The following FGD3 variants were observed in gnomAD, a reference collection of about 807,000 sequenced individuals.
FGD3 encodes FYVE, RhoGEF and PH domain-containing protein 3.
FGD3 carries 45 observed loss-of-function variants against 71.8 expected under a neutral mutation model. The observed-to-expected ratio is 0.63, with a 90% CI of 0.49 to 0.80. FGD3 has a LOEUF of 0.80. Among genes scored for constraint, FGD3 ranks in the 30% least tolerant of loss-of-function variants. FGD3 has a pLI of 0.00. For synonymous variants in FGD3, 378 were observed against 392.8 expected, an observed-to-expected ratio of 0.96 and a Z score of 0.44; for missense variants, 844 against 951.5, an observed-to-expected ratio of 0.89 and a Z score of 1.49.
rs1487128121 is a variant in FGD3, at chr9:92,976,388, G to A, written c.132G>A (p.Gly44=). The A allele has an allele frequency of 1.9e-6, 3 of 1,610,734 alleles. No homozygotes were observed. The highest frequency in any genetic ancestry group is 1.7e-5 in the Admixed American group (1 of 59,602). The part of the protein sequence containing the change: ...ALPVGPRAHC[G]DPVSLAAAGD... Reference sequence around the variant, plus strand: ...CTGTTGGGCCCAGAGCCCACTGTGGGGACCCTGTCAGCCTGGCTGCAGCAG... The same window carrying A: ...CTGTTGGGCCCAGAGCCCACTGTGGAGACCCTGTCAGCCTGGCTGCAGCAG... The change falls in exon 3 of 18, where the codon GGG becomes GGA. Residue 44 remains glycine, a synonymous_variant. Transcript: ENST00000375482.
intron 3 of FGD3, among the ~76,000 whole-genome samples, chr9:92,993,169 A>G (rs1235447563): frequency 1.3e-5 from 2 of 152,238 alleles, no homozygotes; most frequent in Middle Eastern, 3.4e-3. Context: ...AGGTCTCACT[A>G]TGTTGCCCAG....
intron 14 of FGD3, among the ~76,000 whole-genome samples, chr9:93,029,610 T>C (rs78600115): frequency 0.011 from 1,708 of 152,316 alleles, 36 homozygotes; most frequent in African/African-American, 0.039. Context: ...GATAAAGTCA[T>C]TGGCCAAGTT....
intron 1 of FGD3, among the ~76,000 whole-genome samples, chr9:92,950,857 T>C (rs1858941565): frequency 6.6e-6 from 1 of 152,222 alleles, no homozygotes; most frequent in South Asian, 2.1e-4. Flanking sequence ...GGGACAGTGC[T>C]GCCCTTTCTG....
chr9:93,033,710 C>T (rs986383116), intron 16 of FGD3: 7 of 152,772 alleles, frequency 4.6e-5, no homozygotes, highest in Non-Finnish European at 1.0e-4. Context: ...GCCAGCTGCA[C>T]GTTGGAGTCT....
chr9:93,026,872 G>A (rs924659245), intron 14 of FGD3, among the ~76,000 whole-genome samples: 3 of 152,252 alleles, frequency 2.0e-5, no homozygotes, highest in African/African-American at 4.8e-5. Context: ...TCCCCCTTCC[G>A]GGGTCAAGAG....
chr9:92,971,581 T>C (rs1234011449), intron 1 of FGD3, among the ~76,000 whole-genome samples: 6 of 134,432 alleles, frequency 4.5e-5, no homozygotes, highest in African/African-American at 1.7e-4. Flanking sequence ...TTTTTTTTTT[T>C]TTTTTTTTTT....
chr9:92,959,271 G>T (rs1443473295), intron 1 of FGD3, among the ~76,000 whole-genome samples: 1 of 151,746 alleles, frequency 6.6e-6, no homozygotes, highest in Non-Finnish European at 1.5e-5. Flanking sequence ...AAAATTTATT[G>T]TATTATAGTA....
In FGD3 at chr9:93,035,734, G is replaced by A; in HGVS notation, c.*145G>A. 8.0e-7 allele frequency: 1 copy of A among 1,253,116 alleles called. No individual in the cohort carries two copies. The highest frequency in any genetic ancestry group is 1.1e-6 in the Non-Finnish European group (1 of 943,000). 77.6% of individuals were successfully genotyped at this position (1,253,116 alleles called of 1,614,324 possible). ...TCAGGACACTTGGCTTTGGGGGGAA[G>A]GAAACTGAGGCCCAGAGAGGGGCAA... On this transcript the variant is annotated 3_prime_UTR_variant, in exon 18 of 18. Transcript: ENST00000375482.
In FGD3 at chr9:93,010,153, G is replaced by A. The variant is rs947637915; in HGVS notation, c.838-93G>A. 4.7e-5 allele frequency: 69 copies of A among 1,474,406 alleles called. No individual in the cohort carries two copies. The Middle Eastern group carries it at 1.1e-3, about 23-fold the overall frequency. 91.3% of individuals were successfully genotyped at this position (1,474,406 alleles called of 1,614,324 possible). On this transcript the variant is annotated intron_variant, in intron 6 of 17. Transcript: ENST00000375482. The stretch of plus-strand genomic sequence containing the variant: ...GTCAGTTCTGGGCAGCCAGTTCCGG[G>A]CAGCTTCCTGGGGCTGTGGTGGCCA...
intron 14 of FGD3, among the ~76,000 whole-genome samples, chr9:93,028,894 C>T (rs1862238450): frequency 6.6e-6 from 1 of 152,106 alleles, no homozygotes; most frequent in Non-Finnish European, 1.5e-5. Context: ...CCAGCCTCCA[C>T]ACCACCCTCC....
At chr9:92,958,999 G>A (rs922828031) in intron 1 of FGD3, among the ~76,000 whole-genome samples, 5 of 151,754 alleles carry the variant, frequency 3.3e-5, no homozygotes, top group Non-Finnish European at 5.9e-5. Flanking sequence ...TCGCTCTGTC[G>A]CCCAGGCTGG....
intron 1 of FGD3, chr9:92,964,332 C>T (rs186732912): frequency 2.6e-5 from 4 of 152,356 alleles, no homozygotes; most frequent in Admixed American, 2.6e-4. Context: ...AGAGGAGAAA[C>T]TCGCTCGCCT....
At chr9:93,019,259 A>C (rs1482541004) in intron 11 of FGD3, among the ~76,000 whole-genome samples, 1 of 152,222 alleles carries the variant, frequency 6.6e-6, no homozygotes, top group Admixed American at 6.5e-5. Flanking sequence ...ATTTGTCAAG[A>C]ATCATCCCAT....
chr9:93,008,854 G>A (rs1178340159), intron 6 of FGD3, among the ~76,000 whole-genome samples: 1 of 151,740 alleles, frequency 6.6e-6, no homozygotes, highest in Non-Finnish European at 1.5e-5. Flanking sequence ...TGTAATCCCA[G>A]CTACTTGGGA....
In FGD3 at chr9:93,007,370, G is replaced by A. The variant is rs539344240; in HGVS notation, c.837+1190G>A. 4.6e-5 allele frequency among the ~76,000 whole-genome samples: 7 copies of A among 152,270 alleles called. No individual in the cohort carries two copies. In the East Asian group the frequency reaches 7.7e-4, roughly 17 times the overall value. On this transcript the variant is annotated intron_variant, in intron 6 of 17. Transcript: ENST00000375482. ...CTCCCAAAGTGCTAGGATTACAGGC[G>A]TGAGCCACCGCGCCTGGCCCAGAAT... is the stretch of plus-strand genomic sequence containing the variant.
chr9:93,004,235 A>G, intron 5 of FGD3, 98 bp downstream of exon 5: 1 of 1,497,418 alleles, frequency 6.7e-7, no homozygotes, highest in East Asian at 2.3e-5. Flanking sequence ...GGACTGTCTC[A>G]TGGTGGCTGG....
chr9:92,977,229 G>A (rs1485899979), intron 3 of FGD3, among the ~76,000 whole-genome samples: 1 of 152,192 alleles, frequency 6.6e-6, no homozygotes, highest in East Asian at 1.9e-4. Flanking sequence ...GGCCCGCAGT[G>A]CAGTGTGGAG....
chr9:93,006,481 C>T (rs1861059834), intron 6 of FGD3, among the ~76,000 whole-genome samples: 1 of 152,132 alleles, frequency 6.6e-6, no homozygotes, highest in South Asian at 2.1e-4. Flanking sequence ...AACCTGAATT[C>T]AAAGGACAGT....
chr9:93,028,995 G>GTTTT lies in FGD3; in HGVS notation c.1558-840_1558-837dup, dbSNP rs869235976. 4.0e-3 allele frequency among the ~76,000 whole-genome samples: 207 copies of GTTTT among 51,732 alleles called. 39 individuals carry two copies. The highest frequency in any genetic ancestry group is 6.0e-3 in the Non-Finnish European group (164 of 27,364). The allele number at this position is 51,732 out of a possible 152,430, so 33.9% of individuals were successfully genotyped here. On this transcript the variant is annotated intron_variant, in intron 14 of 17. Coordinates refer to ENST00000375482, the MANE Select transcript of FGD3 (RefSeq NM_001083536.2). ...CATGGCTTCCTCACATGTCCTCACA[G>GTTTT]TTTTTTTTTTTTTTTTTTTTTTTTT... is the stretch of plus-strand genomic sequence containing the variant.
Sources: allele counts gnomAD v4.1 joint callset (sites outside exome capture counted in the v4.1 genomes callset), GRCh38; gene constraint gnomAD v4.1.1; transcripts MANE v1.5; gene names NCBI Gene and HGNC (gene_info 2026-07-23, HGNC 2026-07-21).